ORC5: variants seen among roughly 807,000 people sequenced by gnomAD.
The protein encoded by ORC5 is protein phosphatase 1, regulatory subunit 117.
ORC5 carries 39 observed loss-of-function variants against 58.8 expected under a neutral mutation model. The observed-to-expected ratio is 0.66, with a 90% CI of 0.51 to 0.87. The LOEUF is 0.87. Ranked by LOEUF, ORC5 falls within the 40% of genes least tolerant of loss-of-function variation. The probability of loss-of-function intolerance (pLI) is 0.00; values close to 1 mark genes in which losing one functional copy is unlikely to be tolerated. For missense variants in ORC5, 493 were observed against 506.3 expected, an observed-to-expected ratio of 0.97 and a Z score of 0.25; for synonymous variants, 218 against 177.6, an observed-to-expected ratio of 1.23 and a Z score of -1.81.
chr7:104,171,137 C>T (rs913669551), intron 8 of ORC5, among the ~76,000 whole-genome samples: 4 of 152,160 alleles, frequency 2.6e-5, no homozygotes, highest in African/African-American at 9.7e-5. Flanking sequence ...TTAAAGAATG[C>T]TTTCCATACC....
chr7:104,161,776 C>G (rs1485915699), intron 11 of ORC5, among the ~76,000 whole-genome samples: 2 of 152,204 alleles, frequency 1.3e-5, no homozygotes, highest in African/African-American at 4.8e-5. Context: ...GTCATCCGGT[C>G]TAGTCCTAAA....
intron 8 of ORC5, among the ~76,000 whole-genome samples, chr7:104,178,548 G>A (rs778632211): frequency 2.6e-5 from 4 of 152,120 alleles, no homozygotes; most frequent in Non-Finnish European, 4.4e-5. Context: ...TTGCTGTGTA[G>A]AAGCTCTTTA....
rs576637052 is a variant in ORC5, at chr7:104,136,911, T to C, written c.1150-18A>G. The C allele has an allele frequency of 6.7e-7, 1 of 1,486,504 alleles. No individual in the cohort carries two copies. Among genetic ancestry groups the C allele is most frequent in the East Asian group, 2.3e-5 (1 of 44,192 alleles). 92.1% of individuals were successfully genotyped at this position (1,486,504 alleles called of 1,614,324 possible). ...GAGGTAATCTAAAAGAGAACATTTT[T>C]ATAAGAAACTGTTTTAATAAGATTA... On this transcript the variant is annotated intron_variant, in intron 12 of 13. Coordinates refer to ENST00000297431, the MANE Select transcript of ORC5 (RefSeq NM_002553.4). This position sits in a 1 kb window ranked among gnomAD's most constrained non-coding sequence, Gnocchi z 4.2.
Position 104,201,393 on chromosome 7 carries a change from T to C in ORC5, c.166-435A>G, listed in dbSNP as rs1401090656. On this transcript the variant is annotated intron_variant, in intron 2 of 13. Transcript: ENST00000297431. The stretch of plus-strand genomic sequence containing the variant: ...AAGGCCCTGGTGTACCATCATCCCT[T>C]AGTGATTCCCATAAAATTTCCATTA... 2.6e-5 allele frequency among the ~76,000 whole-genome samples: 4 copies of C among 152,282 alleles called. No individual in the cohort carries two copies. In the South Asian group the frequency reaches 6.2e-4, roughly 24 times the overall value.
chr7:104,186,834 G>A (rs1799554333), intron 6 of ORC5, among the ~76,000 whole-genome samples: 1 of 151,970 alleles, frequency 6.6e-6, no homozygotes, highest in Non-Finnish European at 1.5e-5. Flanking sequence ...ATTACCAATA[G>A]TAGTATAAGA....
At chr7:104,191,456 C>T (rs1799674765) in intron 5 of ORC5, among the ~76,000 whole-genome samples, 1 of 152,076 alleles carries the variant, frequency 6.6e-6, no homozygotes, top group African/African-American at 2.4e-5. Flanking sequence ...CCAGCTCAGA[C>T]TGCACTTCTG....
At chr7:104,166,358 A>G (rs1399415370) in intron 10 of ORC5, among the ~76,000 whole-genome samples, 1 of 152,178 alleles carries the variant, frequency 6.6e-6, no homozygotes, top group Non-Finnish European at 1.5e-5. Context: ...CATAGTGGGT[A>G]AAGAAGAAGA....
rs1177863953 is a variant in ORC5, at chr7:104,136,005, T to C, written c.1262+776A>G. 6.6e-6 allele frequency among the ~76,000 whole-genome samples: 1 copy of C among 152,190 alleles called. No homozygotes were observed. Among genetic ancestry groups the C allele is most frequent in the Non-Finnish European group, 1.5e-5 (1 of 68,020 alleles). On this transcript the variant is annotated intron_variant, in intron 13 of 13. Coordinates refer to ENST00000297431, the MANE Select transcript of ORC5 (RefSeq NM_002553.4). The surrounding 1 kb of genome is among the most constrained non-coding windows in gnomAD (Gnocchi z 4.2). ...GAAGTCACTTATTCATATAAATGGT[T>C]TGAACATTTTCCATAACACTAAGAA...
At chr7:104,198,425 C>CT (rs1033427794) in intron 3 of ORC5, among the ~76,000 whole-genome samples, 11 of 152,200 alleles carry the variant, frequency 7.2e-5, no homozygotes. Flanking sequence ...GTGACTCTTG[C>CT]TATGCTCTAG....
At position 104,151,852 on chromosome 7, in the gene ORC5, G is replaced by A. The variant is rs575182852; in HGVS notation, c.1149+9220C>T. Reference sequence around the variant, plus strand: ...TCCCTTTCTTGTTAACTATGGAGGAGGCATGATTACTTTTGATTCTAAGAA... The same window carrying A: ...TCCCTTTCTTGTTAACTATGGAGGAAGCATGATTACTTTTGATTCTAAGAA... On this transcript the variant is annotated intron_variant, in intron 12 of 13. Coordinates refer to ENST00000297431, the MANE Select transcript of ORC5 (RefSeq NM_002553.4). Among the ~76,000 whole-genome samples the A allele has an allele frequency of 2.6e-5, 4 of 152,262 alleles. No individual in the cohort carries two copies. The East Asian group carries it at 7.7e-4, about 29-fold the overall frequency.
chr7:104,182,255 A>G (rs1414616989), intron 8 of ORC5, among the ~76,000 whole-genome samples: 1 of 152,234 alleles, frequency 6.6e-6, no homozygotes, highest in Non-Finnish European at 1.5e-5. Flanking sequence ...ATAACCAGAG[A>G]CAGTCGAACT....
intron 5 of ORC5, among the ~76,000 whole-genome samples, chr7:104,193,984 A>G (rs1171705863): frequency 1.3e-5 from 2 of 151,706 alleles, no homozygotes; most frequent in Non-Finnish European, 2.9e-5. Context: ...AACTTGACTG[A>G]AATGTGTAAT....
At chr7:104,174,226 CG>C (rs1400826367) in intron 8 of ORC5, among the ~76,000 whole-genome samples, 5 of 152,064 alleles carry the variant, frequency 3.3e-5, no homozygotes, top group Non-Finnish European at 7.4e-5. Flanking sequence ...TTTTTTCCCT[CG>C]CTTATTTCTA....
intron 5 of ORC5, among the ~76,000 whole-genome samples, chr7:104,190,494 CAG>C (rs1176033263): frequency 6.6e-6 from 1 of 152,134 alleles, no homozygotes; most frequent in African/African-American, 2.4e-5. Flanking sequence ...TATTATATCT[CAG>C]ACTCTTTATA....
intron 5 of ORC5, among the ~76,000 whole-genome samples, chr7:104,192,938 ACAC>A (rs1799708645): frequency 6.6e-6 from 1 of 152,000 alleles, no homozygotes; most frequent in African/African-American, 2.4e-5. Flanking sequence ...ACACACACAC[ACAC>A]AGATTTAAAA....
chr7:104,206,411 AC>A, intron 1 of ORC5, among the ~76,000 whole-genome samples: 1 of 152,218 alleles, frequency 6.6e-6, no homozygotes, highest in East Asian at 1.9e-4. Flanking sequence ...TCTGTGATCC[AC>A]CACTAAGTTT....
At chr7:104,177,385 T>C (rs1343600412) in intron 8 of ORC5, among the ~76,000 whole-genome samples, 1 of 152,122 alleles carries the variant, frequency 6.6e-6, no homozygotes, top group Non-Finnish European at 1.5e-5. Context: ...ATAAACATAT[T>C]TATAAAATTA....
chr7:104,156,940 C>T (rs1055600009), intron 12 of ORC5, among the ~76,000 whole-genome samples: 1 of 151,832 alleles, frequency 6.6e-6, no homozygotes, highest in Non-Finnish European at 1.5e-5. Flanking sequence ...TTGCCTGGCT[C>T]ATCTTAAAGC....
intron 13 of ORC5, among the ~76,000 whole-genome samples, chr7:104,128,959 T>G (rs975451256): frequency 1.3e-5 from 2 of 151,958 alleles, no homozygotes; most frequent in Non-Finnish European, 2.9e-5. Flanking sequence ...TAAAACAACT[T>G]AAATTCCAAA....
Sources: gnomAD v4.1 joint callset for allele counts (sites outside exome capture counted in the v4.1 genomes callset) on GRCh38, gnomAD v4.1.1 for gene constraint, Gnocchi (gnomAD v3.1) non-coding constraint, MANE v1.5 for transcripts, NCBI Gene and HGNC (gene_info 2026-07-23, HGNC 2026-07-21) for gene names.